Variants in NCKAP1 observed in about 807,000 individuals in gnomAD.
NCKAP1 encodes the protein nck-associated protein 1.
In NCKAP1, 21 loss-of-function variants were observed where a neutral mutation model predicts 151.2. That is an observed-to-expected ratio of 0.14 (90% CI 0.10 to 0.20). The LOEUF (loss-of-function observed/expected upper bound fraction) is 0.20, where lower values mean the gene tolerates loss of function less well. Ranked by LOEUF, NCKAP1 falls within the 10% of genes least tolerant of loss-of-function variation. NCKAP1 has a pLI of 1.00. For missense variants in NCKAP1, 933 were observed against 1,352.1 expected (o/e 0.69, Z 4.86); for synonymous variants, 484 against 451.8 (o/e 1.07, Z -0.90).
intron 30 of NCKAP1, among the ~76,000 whole-genome samples, chr2:182,926,289 T>C (rs1482937403): frequency 1.3e-5 from 2 of 151,914 alleles, no homozygotes; most frequent in Non-Finnish European, 2.9e-5. Context: ...AGAAAGACTA[T>C]CTGGAAAAAG....
chr2:182,930,504 TC>T (rs1163319555), intron 27 of NCKAP1, among the ~76,000 whole-genome samples, 190 bp downstream of exon 27: 1 of 152,024 alleles, frequency 6.6e-6, no homozygotes, highest in Non-Finnish European at 1.5e-5. Context: ...TCTCAACCAA[TC>T]TTAAGTTCCA....
At chr2:182,964,605 T>C (rs1481049041) in intron 17 of NCKAP1, 71 bp downstream of exon 17, 2 of 1,296,270 alleles carry the variant, frequency 1.5e-6, no homozygotes, top group Non-Finnish European at 2.1e-6. Flanking sequence ...ACTGTAAATA[T>C]TTGGTTGGCT....
intron 16 of NCKAP1, among the ~76,000 whole-genome samples, chr2:182,966,782 C>G (rs889135922): frequency 1.3e-5 from 2 of 152,180 alleles, no homozygotes; most frequent in Admixed American, 6.5e-5. Flanking sequence ...AAGCACAATG[C>G]AGGAGGTAGT....
intron 18 of NCKAP1, among the ~76,000 whole-genome samples, chr2:182,958,170 G>A (rs1296044021): frequency 1.3e-5 from 2 of 152,142 alleles, no homozygotes; most frequent in South Asian, 2.1e-4. Context: ...CTTTTGAGAA[G>A]GAGTTTCACT....
At position 182,964,751 on chromosome 2, in the gene NCKAP1, T is replaced by C. The variant is rs749408431; in HGVS notation, c.1686A>G (p.Gln562=). 11 of 1,611,002 alleles carry C rather than the reference T, an allele frequency of 6.8e-6. No individual in the cohort carries two copies. The Admixed American group carries it at 1.0e-4, about 15-fold the overall frequency. Residue 562 remains glutamine, a synonymous_variant, in exon 17 of 31, where the codon CAA becomes CAG. Transcript: ENST00000361354. ...GTGGAAATGCAATTGAGTATCTTGA[T>C]TGAGAGGGTAACTCCAAACACTGTT... is the stretch of plus-strand genomic sequence containing the variant. ...MFQQCLELPS[Q]SRYSIAFPLL...
chr2:182,947,321 G>A (rs2105816992), intron 23 of NCKAP1, among the ~76,000 whole-genome samples: 1 of 152,296 alleles, frequency 6.6e-6, no homozygotes, highest in East Asian at 1.9e-4. Context: ...CAGTGTCTAT[G>A]TAAAGAGGGC....
chr2:182,947,869 T>C (rs1697139560), intron 23 of NCKAP1, among the ~76,000 whole-genome samples: 1 of 152,146 alleles, frequency 6.6e-6, no homozygotes, highest in Admixed American at 6.5e-5. Context: ...GTAGGATTTC[T>C]TATGTAATAA....
At chr2:182,954,450 C>T (rs1423148451) in intron 20 of NCKAP1, among the ~76,000 whole-genome samples, 1 of 152,122 alleles carries the variant, frequency 6.6e-6, no homozygotes, top group Admixed American at 6.5e-5. Flanking sequence ...TAAAAGACAA[C>T]CGACAAATCC....
intron 24 of NCKAP1, among the ~76,000 whole-genome samples, chr2:182,937,449 A>G (rs1354953245): frequency 6.6e-6 from 1 of 152,184 alleles, no homozygotes; most frequent in Non-Finnish European, 1.5e-5. Context: ...GTCTTGGACC[A>G]GGCAAACAAA....
In NCKAP1 at chr2:182,925,678, C is replaced by T; in HGVS notation, c.*24G>A. The T allele has an allele frequency of 7.1e-7, 1 of 1,414,828 alleles. No individual in the cohort carries two copies. 87.6% of individuals were successfully genotyped at this position (1,414,828 alleles called of 1,614,324 possible). A position where few individuals can be genotyped will look rare whatever the true frequency, so the allele number is the denominator to read the frequency against. On this transcript the variant is annotated 3_prime_UTR_variant, in exon 31 of 31. Coordinates refer to ENST00000361354, the MANE Select transcript of NCKAP1 (RefSeq NM_013436.5). The stretch of plus-strand genomic sequence containing the variant: ...AAAACCAAGGCAACAAAAATGCGTG[C>T]TTATCTTGATTAAGTAGGTAATTTT...
At position 182,956,551 on chromosome 2, in the gene NCKAP1, A is replaced by G. The variant is rs774804864; in HGVS notation, c.2064T>C (p.Ser688=). 1 of 1,610,658 alleles carries G rather than the reference A, an allele frequency of 6.2e-7. No individual in the cohort carries two copies. The change falls in exon 20 of 31, where the codon TCT becomes TCC. Residue 688 remains serine, a synonymous_variant. Coordinates refer to ENST00000361354, the MANE Select transcript of NCKAP1 (RefSeq NM_013436.5). ...LHTALSELCF[S]INYVPNMVVW... is the part of the protein sequence containing the mutation. Reference sequence around the variant, plus strand: ...CCACCATGTTTGGTACATAATTTATAGAGAAGCATAACTCAGAAAGTGCAG... The same window carrying G: ...CCACCATGTTTGGTACATAATTTATGGAGAAGCATAACTCAGAAAGTGCAG...
chr2:183,008,119 T>C lies in NCKAP1; in HGVS notation c.220-4794A>G, dbSNP rs562454142. On this transcript the variant is annotated intron_variant, in intron 2 of 30. Coordinates refer to ENST00000361354, the MANE Select transcript of NCKAP1 (RefSeq NM_013436.5). ...TTTTATATTTTTAGTAGAGATGGGG[T>C]TTCTCCATGTTGGTCAGGCTGGCCT... Among the ~76,000 whole-genome samples, 7 of 152,142 alleles carry C rather than the reference T, an allele frequency of 4.6e-5. No homozygotes were observed. The South Asian group carries it at 1.5e-3, about 32-fold the overall frequency.
intron 1 of NCKAP1, among the ~76,000 whole-genome samples, chr2:183,035,637 C>A (rs1189518184): frequency 6.6e-6 from 1 of 152,120 alleles, no homozygotes; most frequent in African/African-American, 2.4e-5. Flanking sequence ...AGATCTTACT[C>A]ACTTCTTTGG....
At position 182,934,778 on chromosome 2, in the gene NCKAP1, G is replaced by C. The variant is rs1190093609; in HGVS notation, c.2833C>G (p.His945Asp). 6.7e-7 allele frequency: 1 copy of C among 1,489,008 alleles called. No homozygotes were observed. Among genetic ancestry groups the C allele is most frequent in the Non-Finnish European group, 9.3e-7 (1 of 1,071,588 alleles). The allele number at this position is 1,489,008 out of a possible 1,614,324, so 92.2% of individuals were successfully genotyped here. A position where few individuals can be genotyped will look rare whatever the true frequency, so the allele number is the denominator to read the frequency against. Residue 945 changes from histidine to aspartate, a missense_variant, in exon 26 of 31, where the codon CAC (histidine) becomes GAC (aspartate). Physicochemically the swap from His to Asp is moderately conservative, Grantham distance 81 (BLOSUM62 -1). Transcript: ENST00000361354. The stretch of plus-strand genomic sequence containing the variant: ...TTCATATCAGTTTCCCTTGGAATGT[G>C]ATCCTTAAAATCTTCAATTGAACTT... ...LVSSIEDFKDHIPRETDMKVA... is the reference protein window; with the variant it reads ...LVSSIEDFKDDIPRETDMKVA...
At chr2:183,032,736 C>T (rs1699028290) in intron 1 of NCKAP1, among the ~76,000 whole-genome samples, 1 of 152,164 alleles carries the variant, frequency 6.6e-6, no homozygotes, top group South Asian at 2.1e-4. Flanking sequence ...TTCCAATAAA[C>T]CTATCTTTAA....
intron 18 of NCKAP1, among the ~76,000 whole-genome samples, chr2:182,961,473 G>T (rs865849319): frequency 2.0e-5 from 3 of 152,002 alleles, no homozygotes; most frequent in South Asian, 2.1e-4. Flanking sequence ...GCAAACTATC[G>T]CAAGGACAAA....
chr2:182,948,570 TTATAAAA>T (rs1297386567), intron 23 of NCKAP1, among the ~76,000 whole-genome samples: 2 of 152,112 alleles, frequency 1.3e-5, no homozygotes, highest in African/African-American at 4.8e-5. Flanking sequence ...ATAGTTAAGT[TTATAAAA>T]TAATTGTTAA....
intron 1 of NCKAP1, among the ~76,000 whole-genome samples, chr2:183,036,570 G>A (rs1357576379): frequency 6.6e-6 from 1 of 152,074 alleles, no homozygotes; most frequent in Non-Finnish European, 1.5e-5. Flanking sequence ...ATGCAGAGGG[G>A]CTTCTTTGTC....
intron 1 of NCKAP1, chr2:183,025,097 G>T: frequency 2.0e-6 from 2 of 1,006,690 alleles, no homozygotes; most frequent in South Asian, 1.4e-5. Flanking sequence ...TGCAGACTAT[G>T]AATAACAGAA....
Sources: gnomAD v4.1 joint callset for allele counts (sites outside exome capture counted in the v4.1 genomes callset) on GRCh38, gnomAD v4.1.1 for gene constraint, MANE v1.5 for transcripts, NCBI Gene and HGNC (gene_info 2026-07-23, HGNC 2026-07-21) for gene names.